Variants in BCAS3 observed in about 807,000 individuals in gnomAD.
The protein encoded by BCAS3 is BCAS4/BCAS3 fusion.
In BCAS3, 53 loss-of-function variants were observed where a neutral mutation model predicts 116.1. The observed-to-expected ratio is 0.46, with a 90% CI of 0.37 to 0.57. BCAS3 has a LOEUF of 0.57. BCAS3 is among the 20% of genes least tolerant of loss of function. BCAS3 has a pLI of 0.00. For missense variants in BCAS3, 917 were observed against 1,165.4 expected (o/e 0.79, Z 3.10); for synonymous variants, 391 against 408.2 (o/e 0.96, Z 0.51).
intron 12 of BCAS3, among the ~76,000 whole-genome samples, chr17:60,921,617 A>ACAAAAAC (rs112208219): frequency 6.7e-6 from 1 of 148,344 alleles, no homozygotes; most frequent in African/African-American, 2.5e-5. Context: ...CGTCTCAAAA[A>ACAAAAAC]AAAAAAAAAA....
rs1003358991 is a variant in BCAS3, at chr17:61,339,820, C to T, written c.2426-28507C>T. On this transcript the variant is annotated intron_variant, in intron 22 of 23. Coordinates refer to ENST00000407086, the MANE Select transcript of BCAS3 (RefSeq NM_017679.5). The surrounding 1 kb of genome is among the most constrained non-coding windows in gnomAD (Gnocchi z 4.4). ...GTGGAAGAGCCAGTAAAAGAGACTG[C>T]AAAGTAGCGGCCGGAAAGATGGGAG... 6.7e-6 allele frequency among the ~76,000 whole-genome samples: 1 copy of T among 149,658 alleles called. No individual in the cohort carries two copies. The highest frequency in any genetic ancestry group is 2.5e-5 in the African/African-American group (1 of 40,662).
rs1413976775 is a variant in BCAS3, at chr17:61,139,079, A to G, written c.2425+54515A>G. Among the ~76,000 whole-genome samples, 1 of 152,154 alleles carries G rather than the reference A, an allele frequency of 6.6e-6. No individual in the cohort carries two copies. The highest frequency in any genetic ancestry group is 2.4e-5 in the African/African-American group (1 of 41,428). ...GATCTAGAAAAAATTAGAGACAGAGATGAATTTTTTATTCTTGGATTTTCA... is the reference window on the plus strand; with the variant it reads ...GATCTAGAAAAAATTAGAGACAGAGGTGAATTTTTTATTCTTGGATTTTCA... On this transcript the variant is annotated intron_variant, in intron 22 of 23. Coordinates refer to ENST00000407086, the MANE Select transcript of BCAS3 (RefSeq NM_017679.5). This position sits in a 1 kb window ranked among gnomAD's most constrained non-coding sequence, Gnocchi z 4.7.
chr17:60,680,979 G>A (rs917028413), intron 2 of BCAS3, among the ~76,000 whole-genome samples: 5 of 152,138 alleles, frequency 3.3e-5, no homozygotes, highest in African/African-American at 9.7e-5. Context: ...TGACATGGGA[G>A]GATTGCTTGA....
chr17:61,163,379 A>C (rs559481118), intron 22 of BCAS3, among the ~76,000 whole-genome samples: 13 of 151,748 alleles, frequency 8.6e-5, no homozygotes, highest in South Asian at 4.2e-4. Context: ...AGCCGAGATC[A>C]CGCCACTGCA....
At chr17:60,919,800 A>G (rs2058978952) in intron 12 of BCAS3, among the ~76,000 whole-genome samples, 1 of 152,170 alleles carries the variant, frequency 6.6e-6, no homozygotes, top group African/African-American at 2.4e-5. Flanking sequence ...CTGGAATTTA[A>G]TCAATATTAA....
chr17:61,234,594 G>A (rs2082882737), intron 22 of BCAS3, among the ~76,000 whole-genome samples: 1 of 152,104 alleles, frequency 6.6e-6, no homozygotes, highest in Non-Finnish European at 1.5e-5. Flanking sequence ...TTCAGGAGCT[G>A]CTAGAAGCAG....
chr17:60,814,745 A>AT (rs896777042), intron 7 of BCAS3, among the ~76,000 whole-genome samples: 1 of 152,060 alleles, frequency 6.6e-6, no homozygotes, highest in African/African-American at 2.4e-5. Flanking sequence ...TTATTTTAGT[A>AT]TTTTTTTCTT....
chr17:61,245,993 G>A (rs2047914312), intron 22 of BCAS3, among the ~76,000 whole-genome samples: 1 of 152,264 alleles, frequency 6.6e-6, no homozygotes, highest in South Asian at 2.1e-4. Flanking sequence ...GAGAGCTCAG[G>A]TGATCCACCC....
Position 61,276,624 on chromosome 17 carries a change from G to C in BCAS3, c.2426-91703G>C, listed in dbSNP as rs1177800818. ...GCAGTGCTCCCCAAATTGATCTACA[G>C]ATTCAACACAATCTCTATCAAAATG... On this transcript the variant is annotated intron_variant, in intron 22 of 23. Transcript: ENST00000407086. The surrounding 1 kb of genome is among the most constrained non-coding windows in gnomAD (Gnocchi z 4.2). Among the ~76,000 whole-genome samples the C allele has an allele frequency of 6.6e-6, 1 of 152,136 alleles. No homozygotes were observed. The highest frequency in any genetic ancestry group is 1.9e-4 in the East Asian group (1 of 5,182).
rs1220022174 is a variant in BCAS3 at position 61,189,855 on chromosome 17, C to T, written c.2425+105291C>T. On this transcript the variant is annotated intron_variant, in intron 22 of 23. Transcript: ENST00000407086. This position sits in a 1 kb window ranked among gnomAD's most constrained non-coding sequence, Gnocchi z 4.5. Reference sequence around the variant, plus strand: ...GATGACAAAAGGCAGGTCAGCTGGCCCTGAGTAAAAATGTGGGAGTTATCA... The same window carrying T: ...GATGACAAAAGGCAGGTCAGCTGGCTCTGAGTAAAAATGTGGGAGTTATCA... 6.6e-6 allele frequency among the ~76,000 whole-genome samples: 1 copy of T among 152,018 alleles called. No homozygotes were observed. The highest frequency in any genetic ancestry group is 1.5e-5 in the Non-Finnish European group (1 of 68,010).
At chr17:61,252,342 G>T (rs904017111) in intron 22 of BCAS3, among the ~76,000 whole-genome samples, 1 of 152,128 alleles carries the variant, frequency 6.6e-6, no homozygotes, top group African/African-American at 2.4e-5. Flanking sequence ...TCTCTGAATG[G>T]CTGCCAGGTC....
At chr17:60,835,662 G>A (rs191882202) in intron 7 of BCAS3, among the ~76,000 whole-genome samples, 122 of 152,080 alleles carry the variant, frequency 8.0e-4, no homozygotes, top group African/African-American at 2.8e-3. Context: ...TGCAATAAAA[G>A]AAAGAAAGAG....
intron 22 of BCAS3, among the ~76,000 whole-genome samples, chr17:61,274,116 C>A (rs972963025): frequency 6.6e-6 from 1 of 151,064 alleles, no homozygotes; most frequent in Non-Finnish European, 1.5e-5. Flanking sequence ...CCACTCCCCC[C>A]ACCCCACAAC....
chr17:61,358,858 C>G (rs1175492634), intron 22 of BCAS3, among the ~76,000 whole-genome samples: 1 of 152,068 alleles, frequency 6.6e-6, no homozygotes, highest in Non-Finnish European at 1.5e-5. Flanking sequence ...ATATTCCTGC[C>G]CGAAACAGTC....
rs2059436706 is a variant in BCAS3 at position 61,378,436 on chromosome 17, A to C, written c.2593+9942A>C. On this transcript the variant is annotated intron_variant, in intron 23 of 23. Transcript: ENST00000407086. The surrounding 1 kb of genome is among the most constrained non-coding windows in gnomAD (Gnocchi z 5.8). ...ACTTGCTGGATACTTGGCCCTGGGCAAAGAGTGTATGCTGCCTTTTCCATT... is the reference window on the plus strand; with the variant it reads ...ACTTGCTGGATACTTGGCCCTGGGCCAAGAGTGTATGCTGCCTTTTCCATT... 1 of 152,260 alleles carries C rather than the reference A, an allele frequency of 6.6e-6. No individual in the cohort carries two copies. Among genetic ancestry groups the C allele is most frequent in the Non-Finnish European group, 1.5e-5 (1 of 68,070 alleles). 9.4% of individuals were successfully genotyped at this position (152,260 alleles called of 1,614,324 possible). A position where few individuals can be genotyped will look rare whatever the true frequency, so the allele number is the denominator to read the frequency against.
rs56913972 is a variant in BCAS3, at chr17:60,974,998, TG to T, written c.1222-14972del. Among the ~76,000 whole-genome samples, 180 of 146,576 alleles carry T rather than the reference TG, an allele frequency of 1.2e-3. 11 individuals carry two copies. The highest frequency in any genetic ancestry group is 4.6e-3 in the African/African-American group (169 of 36,814). On this transcript the variant is annotated intron_variant, in intron 14 of 23. Coordinates refer to ENST00000407086, the MANE Select transcript of BCAS3 (RefSeq NM_017679.5). Reference sequence around the variant, plus strand: ...GTTTTTTTTGTTTTTTTTGCTTTTTTGTTTTTTTTTTTTTGAGACGGAGTCT... The same window carrying T: ...GTTTTTTTTGTTTTTTTTGCTTTTTTTTTTTTTTTTTTTGAGACGGAGTCT...
chr17:61,058,874 A>G (rs1419953500), intron 19 of BCAS3, among the ~76,000 whole-genome samples: 3 of 152,070 alleles, frequency 2.0e-5, no homozygotes, highest in Non-Finnish European at 4.4e-5. Flanking sequence ...CATGTTTTAT[A>G]TGATAAATTT....
intron 22 of BCAS3, among the ~76,000 whole-genome samples, chr17:61,194,550 C>G (rs1053665333): frequency 6.6e-6 from 1 of 152,004 alleles, no homozygotes; most frequent in African/African-American, 2.4e-5. Flanking sequence ...ACCAGCCTGG[C>G]CAATATGGTG....
chr17:61,076,758 C>T (rs1453386868), intron 20 of BCAS3, among the ~76,000 whole-genome samples: 2 of 152,136 alleles, frequency 1.3e-5, no homozygotes, highest in African/African-American at 2.4e-5. Context: ...TGGTTTTGAG[C>T]TTAAAGTACA....
Sources: allele counts gnomAD v4.1 joint callset (sites outside exome capture counted in the v4.1 genomes callset), GRCh38; gene constraint gnomAD v4.1.1; non-coding constraint Gnocchi (gnomAD v3.1); transcripts MANE v1.5; gene names NCBI Gene and HGNC (gene_info 2026-07-23, HGNC 2026-07-21).